The following TAFA2 variants were observed in gnomAD, a reference collection of about 807,000 sequenced individuals.
TAFA2 encodes chemokine-like protein TAFA-2.
TAFA2 carries 7 observed loss-of-function variants against 18.8 expected under a neutral mutation model. The ratio of observed to expected loss-of-function variants is 0.37; its 90% confidence interval spans 0.21 to 0.70. The LOEUF is 0.70. TAFA2 is among the 30% of genes least tolerant of loss of function. The pLI is 0.53. For missense variants in TAFA2, 122 were observed against 158.1 expected, an observed-to-expected ratio of 0.77 and a Z score of 1.23; for synonymous variants, 60 against 54.2, an observed-to-expected ratio of 1.11 and a Z score of -0.47.
At chr12:62,180,528 A>G (rs115321551) in intron 1 of TAFA2, among the ~76,000 whole-genome samples, 111 of 152,336 alleles carry the variant, frequency 7.3e-4, no homozygotes, top group African/African-American at 2.5e-3. Flanking sequence ...CAACTTTTTT[A>G]TAATCTAATA....
At chr12:62,042,162 T>G (rs1208248737) in intron 1 of TAFA2, among the ~76,000 whole-genome samples, 1 of 151,902 alleles carries the variant, frequency 6.6e-6, no homozygotes, top group East Asian at 1.9e-4. Context: ...AGACACCCCT[T>G]CATGGGGAGT....
At position 62,066,126 on chromosome 12, in the gene TAFA2, C is replaced by CGTGTGTGTGTGT. The variant is rs3221978; in HGVS notation, c.-2+125121_-2+125132dup. Reference sequence around the variant, plus strand: ...TAACACTGTTTTTTGCTGAAACAGCCGTGTGTGTGTGTGTGTGTGTGTGTG... The same window carrying CGTGTGTGTGTGT: ...TAACACTGTTTTTTGCTGAAACAGCCGTGTGTGTGTGTGTGTGTGTGTGTGTGTGTGTGTGTG... On this transcript the variant is annotated intron_variant, in intron 1 of 4. Transcript: ENST00000416284. Among the ~76,000 whole-genome samples the CGTGTGTGTGTGT allele has an allele frequency of 2.3e-3, 337 of 145,568 alleles. 2 individuals are homozygous for CGTGTGTGTGTGT. Among genetic ancestry groups the CGTGTGTGTGTGT allele is most frequent in the African/African-American group, 7.0e-3 (279 of 39,590 alleles).
At chr12:62,107,322 G>C (rs1454027896) in intron 1 of TAFA2, among the ~76,000 whole-genome samples, 1 of 151,478 alleles carries the variant, frequency 6.6e-6, no homozygotes, top group African/African-American at 2.4e-5. Context: ...AATGCCAGAA[G>C]AGAAAAAAGG....
intron 1 of TAFA2, among the ~76,000 whole-genome samples, chr12:61,911,642 T>C (rs1334438136): frequency 6.6e-6 from 1 of 152,118 alleles, no homozygotes; most frequent in Non-Finnish European, 1.5e-5. Flanking sequence ...TAGTTTGTTG[T>C]CTGGGGCAGA....
At chr12:61,921,453 G>C (rs895931677) in intron 1 of TAFA2, among the ~76,000 whole-genome samples, 2 of 152,170 alleles carry the variant, frequency 1.3e-5, no homozygotes, top group Non-Finnish European at 2.9e-5. Flanking sequence ...TTTGGCGTTT[G>C]TGCAATGGAA....
intron 2 of TAFA2, among the ~76,000 whole-genome samples, chr12:61,849,328 C>T (rs1396019540): frequency 6.6e-6 from 1 of 152,142 alleles, no homozygotes; most frequent in Non-Finnish European, 1.5e-5. Context: ...AAATTTTCTC[C>T]TAGTCTTTGA....
intron 4 of TAFA2, among the ~76,000 whole-genome samples, chr12:61,733,839 A>C (rs1256788547): frequency 2.0e-5 from 3 of 151,738 alleles, no homozygotes; most frequent in Non-Finnish European, 2.9e-5. Context: ...TGGGGATGGC[A>C]TTGAATCTAT....
chr12:61,716,036 A>T (rs1042454224), intron 4 of TAFA2, among the ~76,000 whole-genome samples: 3 of 152,354 alleles, frequency 2.0e-5, no homozygotes, highest in Admixed American at 2.0e-4. Flanking sequence ...GTAAAACAGA[A>T]ATACTATTAG....
At chr12:62,217,227 TTGGGCCATA>T (rs138168200) in intron 1 of TAFA2, among the ~76,000 whole-genome samples, 1,709 of 152,304 alleles carry the variant, frequency 0.011, 32 homozygotes, top group African/African-American at 0.038. Flanking sequence ...CAGGGAGTAC[TTGGGCCATA>T]TGATCCAGCA....
intron 2 of TAFA2, among the ~76,000 whole-genome samples, chr12:61,756,711 A>C (rs2120770886): frequency 6.6e-6 from 1 of 152,252 alleles, no homozygotes; most frequent in South Asian, 2.1e-4. Flanking sequence ...AGTAGAGTAG[A>C]GTAACATGAT....
chr12:61,975,514 C>CGTGTGTGTGTGTGTGTGTGTGT (rs3031098), intron 1 of TAFA2, among the ~76,000 whole-genome samples: 2,351 of 136,580 alleles, frequency 0.017, 62 homozygotes, highest in East Asian at 0.033. Flanking sequence ...CAATAATATT[C>CGTGTGTGTGTGTGTGTGTGTGT]GTGTGTGTGT....
rs185122226 is a variant in TAFA2 at position 62,050,920 on chromosome 12, T to C, written c.-2+140339A>G. ...ATCAAACCTTTTACCATCACATTAC[T>C]ACTCTAAGCATCCTTTTCATCAGTG... On this transcript the variant is annotated intron_variant, in intron 1 of 4. Transcript: ENST00000416284. Among the ~76,000 whole-genome samples the C allele has an allele frequency of 8.9e-4, 135 of 152,296 alleles. 1 individual carries two copies. Among genetic ancestry groups the C allele is most frequent in the Non-Finnish European group, 7.4e-5 (5 of 68,022 alleles).
chr12:61,933,468 T>G (rs1291167194), intron 1 of TAFA2, among the ~76,000 whole-genome samples: 2 of 152,112 alleles, frequency 1.3e-5, no homozygotes, highest in Non-Finnish European at 2.9e-5. Context: ...TCCCAGCACT[T>G]TGGGAGGCAA....
At chr12:62,018,832 A>C (rs901851193) in intron 1 of TAFA2, among the ~76,000 whole-genome samples, 1 of 152,236 alleles carries the variant, frequency 6.6e-6, no homozygotes, top group Non-Finnish European at 1.5e-5. Context: ...ATGGGATCTC[A>C]TTAAACTAAA....
intron 1 of TAFA2, among the ~76,000 whole-genome samples, chr12:62,220,333 C>T (rs2136978053): frequency 6.6e-6 from 1 of 151,932 alleles, no homozygotes; most frequent in South Asian, 2.1e-4. Flanking sequence ...TTAAAAATAT[C>T]TAAAACAATA....
chr12:62,009,206 CAGTT>C (rs1434481436), intron 1 of TAFA2, among the ~76,000 whole-genome samples: 1 of 152,054 alleles, frequency 6.6e-6, no homozygotes, highest in Non-Finnish European at 1.5e-5. Flanking sequence ...ATTTGAAAGT[CAGTT>C]AAGTGAATTT....
At chr12:62,194,322 C>CAT (rs1170780285), upstream of TAFA2, among the ~76,000 whole-genome samples, 1 of 4,772 alleles carries the variant, frequency 2.1e-4, no homozygotes, top group African/African-American at 5.7e-4. Context: ...CACACACACA[C>CAT]ACACATACAA....
chr12:61,899,376 G>C (rs1442343554), intron 1 of TAFA2, among the ~76,000 whole-genome samples: 1 of 152,142 alleles, frequency 6.6e-6, no homozygotes, highest in Non-Finnish European at 1.5e-5. Context: ...GCCTGAGACT[G>C]GGTAATTTAT....
At chr12:62,239,002 CAGA>C (rs1328359115) in intron 1 of TAFA2, among the ~76,000 whole-genome samples, 1 of 152,166 alleles carries the variant, frequency 6.6e-6, no homozygotes, top group Non-Finnish European at 1.5e-5. Flanking sequence ...TTTTATGAAA[CAGA>C]AGAACAAAAC....
Sources: gnomAD v4.1 joint callset for allele counts (sites outside exome capture counted in the v4.1 genomes callset) on GRCh38, gnomAD v4.1.1 for gene constraint, MANE v1.5 for transcripts, NCBI Gene and HGNC (gene_info 2026-07-23, HGNC 2026-07-21) for gene names.